TBATA: variants seen among roughly 807,000 people sequenced by gnomAD.
TBATA encodes protein TBATA.
A neutral mutation model predicts 38.7 loss-of-function variants in TBATA; 47 were observed. The ratio of observed to expected loss-of-function variants is 1.21; its 90% confidence interval spans 0.96 to 1.55. The LOEUF (loss-of-function observed/expected upper bound fraction) is 1.55, where lower values mean the gene tolerates loss of function less well. Ranked by LOEUF, TBATA falls within the 40% of genes most tolerant of loss-of-function variation. TBATA has a pLI of 0.00. For synonymous variants in TBATA, 183 were observed against 170.5 expected (o/e 1.07, Z -0.57); for missense variants, 436 against 435.6 (o/e 1.00, Z -0.01).
At chr10:70,773,474 G>A (rs1428224358) in intron 9 of TBATA, among the ~76,000 whole-genome samples, 1 of 89,180 alleles carries the variant, frequency 1.1e-5, no homozygotes, top group Non-Finnish European at 2.3e-5. Context: ...GGCCCCCCCG[G>A]CTTCACCCCG....
chr10:70,774,677 A>C (rs1843161676), intron 8 of TBATA, among the ~76,000 whole-genome samples: 1 of 149,644 alleles, frequency 6.7e-6, no homozygotes, highest in Non-Finnish European at 1.5e-5. Context: ...CTTCTCCTTC[A>C]CTCTCCTGTC....
chr10:70,783,186 T>C (rs937755079), intron 3 of TBATA, among the ~76,000 whole-genome samples, 153 bp downstream of exon 3: 15 of 152,270 alleles, frequency 9.9e-5, no homozygotes, highest in Admixed American at 2.0e-4. Context: ...TGAGGACCCA[T>C]TGGGGGGTCT....
rs762292411 is a variant in TBATA at position 70,774,200 on chromosome 10, G to A, written c.920+13C>T. On this transcript the variant is annotated intron_variant, in intron 9 of 10. Transcript: ENST00000456372. ...GAAGGCTGCAGAAGGGCAGGGCGGGGTGCGGGGCCCACCTGCAGGGTGGCT... is the reference window on the plus strand; with the variant it reads ...GAAGGCTGCAGAAGGGCAGGGCGGGATGCGGGGCCCACCTGCAGGGTGGCT... 6.2e-7 allele frequency: 1 copy of A among 1,611,288 alleles called. No homozygotes were observed. The highest frequency in any genetic ancestry group is 1.7e-5 in the Admixed American group (1 of 59,786).
rs188354458 is a variant in TBATA, at chr10:70,781,931, G to A, written c.147C>T (p.Phe49=). ...TCCTCAATGCCCGGCGGATCCGCTC[G>A]AAATCCACAATCCCTGGGATCACCA... ...KELVIPGIVD[F]ERIRRALRTP... The change falls in exon 4 of 11, where the codon TTC becomes TTT. Residue 49 remains phenylalanine, a synonymous_variant. Coordinates refer to ENST00000456372, the MANE Select transcript of TBATA (RefSeq NM_001318241.2). 168 of 1,614,194 alleles carry A rather than the reference G, an allele frequency of 1.0e-4. 1 individual carries two copies. In the East Asian group the frequency reaches 3.1e-3, roughly 30 times the overall value.
At chr10:70,772,829 C>T (rs1842925118) in intron 9 of TBATA, among the ~76,000 whole-genome samples, 1 of 152,216 alleles carries the variant, frequency 6.6e-6, no homozygotes, top group Non-Finnish European at 1.5e-5. Flanking sequence ...GGAAGCAAGG[C>T]CCTCCTGTCT....
At chr10:70,782,119 C>T (rs1177601158) in intron 3 of TBATA, 83 bp from the exon 4 acceptor site, 7 of 1,434,782 alleles carry the variant, frequency 4.9e-6, no homozygotes, top group Non-Finnish European at 6.7e-6. Context: ...GTGCTTGTTA[C>T]AGAACCCCTT....
intron 2 of TBATA, among the ~76,000 whole-genome samples, chr10:70,783,952 A>G (rs1357882299): frequency 6.6e-6 from 1 of 152,232 alleles, no homozygotes; most frequent in Non-Finnish European, 1.5e-5. Flanking sequence ...GAAACAATAC[A>G]ATTGTTGTCA....
chr10:70,771,547 A>G (rs1842794373), intron 10 of TBATA, 86 bp from the exon 11 acceptor site: 2 of 1,321,686 alleles, frequency 1.5e-6, no homozygotes, highest in Admixed American at 1.9e-5. Context: ...GTGAGTGCTG[A>G]GGGGAAGGTC....
At chr10:70,780,355 G>T (rs1440783368) in intron 4 of TBATA, among the ~76,000 whole-genome samples, 2 of 152,112 alleles carry the variant, frequency 1.3e-5, no homozygotes, top group Non-Finnish European at 2.9e-5. Context: ...CAAGGACCTA[G>T]CAGGGCTGCT....
At chr10:70,771,939 C>T (rs546676880) in intron 10 of TBATA, among the ~76,000 whole-genome samples, 32 of 152,224 alleles carry the variant, frequency 2.1e-4, no homozygotes, top group African/African-American at 7.5e-4. Flanking sequence ...TAACCCTCTT[C>T]TACACCCATG....
chr10:70,784,537 C>A (rs186794174), intron 2 of TBATA, 110 bp downstream of exon 2: 3 of 152,238 alleles, frequency 2.0e-5, no homozygotes, highest in Admixed American at 2.0e-4. Flanking sequence ...TCTCCCAATG[C>A]CAGCCTTCAT....
At chr10:70,771,909 G>A (rs545502895) in intron 10 of TBATA, among the ~76,000 whole-genome samples, 192 of 152,120 alleles carry the variant, frequency 1.3e-3, no homozygotes, top group Non-Finnish European at 2.1e-3. Flanking sequence ...TAGCCAGAGG[G>A]GGCATGCACA....
At chr10:70,773,443 C>T (rs12359270) in intron 9 of TBATA, among the ~76,000 whole-genome samples, 27,589 of 143,028 alleles carry the variant, frequency 0.19, 2,529 homozygotes, top group Non-Finnish European at 0.21. Flanking sequence ...TGGAAACACT[C>T]AGGTGACTGT....
chr10:70,780,527 C>A (rs1396152184), intron 4 of TBATA, among the ~76,000 whole-genome samples: 1 of 152,028 alleles, frequency 6.6e-6, no homozygotes, highest in South Asian at 2.1e-4. Flanking sequence ...GGTAGCTACA[C>A]GGACTCCTTG....
At chr10:70,772,605 C>A in intron 9 of TBATA, 39 bp from the exon 10 acceptor site, 1 of 1,610,304 alleles carries the variant, frequency 6.2e-7, no homozygotes, top group South Asian at 1.1e-5. Context: ...GAAGGTCATG[C>A]TGGAAACCTG....
intron 4 of TBATA, among the ~76,000 whole-genome samples, chr10:70,781,174 T>A (rs901815736): frequency 2.0e-5 from 3 of 152,246 alleles, no homozygotes; most frequent in Non-Finnish European, 2.9e-5. Context: ...TTCTGGACTT[T>A]GTATTTGCTG....
At chr10:70,782,217 A>C (rs1564597838) in intron 3 of TBATA, 181 bp from the exon 4 acceptor site, 1 of 1,343,280 alleles carries the variant, frequency 7.4e-7, no homozygotes, top group African/African-American at 1.5e-5. Context: ...TCCTTTCCCA[A>C]CTGGTGCAAT....
In TBATA at chr10:70,775,170, T is replaced by C. The variant is rs1232894141; in HGVS notation, c.775+19A>G. ...TTGGCAGCCTCCACTGAGACAGTGCTGCGGGGCTGTGTCCTCACCCTTGGG... is the reference window on the plus strand; with the variant it reads ...TTGGCAGCCTCCACTGAGACAGTGCCGCGGGGCTGTGTCCTCACCCTTGGG... On this transcript the variant is annotated intron_variant, in intron 8 of 10. Transcript: ENST00000456372. 1 of 1,606,798 alleles carries C rather than the reference T, an allele frequency of 6.2e-7. No individual in the cohort carries two copies. The highest frequency in any genetic ancestry group is 8.5e-7 in the Non-Finnish European group (1 of 1,173,792).
Position 70,783,534 on chromosome 10 carries a change from G to T in TBATA, c.-146-9C>A, listed in dbSNP as rs1844524346. The T allele has an allele frequency of 1.3e-6, 1 of 761,502 alleles. No homozygotes were observed. The highest frequency in any genetic ancestry group is 2.2e-6 in the Non-Finnish European group (1 of 452,408). 47.2% of individuals were successfully genotyped at this position (761,502 alleles called of 1,614,324 possible). A position where few individuals can be genotyped will look rare whatever the true frequency, so the allele number is the denominator to read the frequency against. ...GTAAACGGGAACAGGCACTTTAGGG[G>T]GAGAAATGGTAATATCTTTTAAAAT... On this transcript the variant is annotated splice_polypyrimidine_tract_variant and intron_variant, in intron 2 of 10. Transcript: ENST00000456372.
Sources: allele counts gnomAD v4.1 joint callset (sites outside exome capture counted in the v4.1 genomes callset), GRCh38; gene constraint gnomAD v4.1.1; transcripts MANE v1.5; gene names NCBI Gene and HGNC (gene_info 2026-07-23, HGNC 2026-07-21).